The following ENOX2 variants were observed in gnomAD, a reference collection of about 807,000 sequenced individuals.
The protein encoded by ENOX2 is ecto-NOX disulfide-thiol exchanger 2, also known as APK1 antigen.
A neutral mutation model predicts 45.0 loss-of-function variants in ENOX2; 36 were observed. That is an observed-to-expected ratio of 0.80 (90% CI 0.61 to 1.06). The LOEUF is 1.06. Among genes scored for constraint, ENOX2 ranks in the 50% least tolerant of loss-of-function variants. ENOX2 has a pLI of 0.00. For synonymous variants in ENOX2, 174 were observed against 152.3 expected (o/e 1.14, Z -1.05); for missense variants, 423 against 462.5 (o/e 0.91, Z 0.78).
At chrX:130,881,016 G>GT (rs1569331534) in intron 2 of ENOX2, among the ~76,000 whole-genome samples, 1 of 112,423 alleles carries the variant, frequency 8.9e-6, no homozygotes, top group African/African-American at 3.2e-5. Flanking sequence ...ATCTAGACCT[G>GT]TAAGAGAATT....
intron 2 of ENOX2, among the ~76,000 whole-genome samples, chrX:130,881,920 T>C (rs934916694): frequency 9.0e-6 from 1 of 111,661 alleles, no homozygotes; most frequent in Non-Finnish European, 1.9e-5. Flanking sequence ...AAACCTCTGG[T>C]GGTGCAGCTG....
At chrX:130,722,768 T>C (rs1366609352) in intron 3 of ENOX2, among the ~76,000 whole-genome samples, 1 of 111,946 alleles carries the variant, frequency 8.9e-6, no homozygotes, top group East Asian at 2.8e-4. Context: ...GAGGAGAGAA[T>C]TGAGGTTGAT....
intron 3 of ENOX2, among the ~76,000 whole-genome samples, chrX:130,717,539 T>C (rs866317797): frequency 8.9e-6 from 1 of 112,162 alleles, no homozygotes; most frequent in South Asian, 3.7e-4. Context: ...CATATGTCAC[T>C]GGGAGACACT....
intron 3 of ENOX2, among the ~76,000 whole-genome samples, chrX:130,772,747 C>T (rs1016678629): frequency 1.8e-5 from 2 of 112,006 alleles, no homozygotes; most frequent in African/African-American, 3.2e-5. Context: ...GCATCTTCTA[C>T]GTTTTACCTC....
intron 12 of ENOX2, among the ~76,000 whole-genome samples, 193 bp from the exon 13 acceptor site, chrX:130,631,769 C>T (rs751401255): frequency 1.8e-5 from 2 of 109,092 alleles, no homozygotes; most frequent in Admixed American, 9.8e-5. Context: ...TATAGGGCTC[C>T]AAAACACAGA....
rs374038611 is a variant in ENOX2 at position 130,896,689 on chromosome X, T to C, written c.-183+4995A>G. ...GATCATGTAGCAGGAAAACTATAGA[T>C]TTTTTTTCCTGGAGTATTTAAAAGT... On this transcript the variant is annotated intron_variant, in intron 2 of 14. Coordinates refer to ENST00000394363, the MANE Select transcript of ENOX2 (RefSeq NM_006375.4). 2.1e-4 allele frequency among the ~76,000 whole-genome samples: 23 copies of C among 111,961 alleles called. No homozygotes were observed. In the South Asian group the frequency reaches 8.2e-3, roughly 40 times the overall value.
chrX:130,759,416 A>G (rs758007971), intron 3 of ENOX2, among the ~76,000 whole-genome samples: 167 of 107,969 alleles, frequency 1.5e-3, no homozygotes, highest in African/African-American at 5.3e-3. Flanking sequence ...ACATGGTGAA[A>G]CCCCGACTCT....
At chrX:130,867,819 T>C (rs1215426957) in intron 2 of ENOX2, among the ~76,000 whole-genome samples, 2 of 111,651 alleles carry the variant, frequency 1.8e-5, no homozygotes, top group Admixed American at 9.5e-5. Flanking sequence ...TCAAGTAAAA[T>C]TGGAATCCTA....
At chrX:130,641,783 C>T (rs149527522) in intron 10 of ENOX2, among the ~76,000 whole-genome samples, 1,118 of 105,653 alleles carry the variant, frequency 0.011, 22 homozygotes, top group African/African-American at 0.036. Flanking sequence ...GCTTTAGAAA[C>T]GGAACAACAA....
At chrX:130,729,113 A>G (rs1162914139) in intron 3 of ENOX2, among the ~76,000 whole-genome samples, 1 of 111,552 alleles carries the variant, frequency 9.0e-6, no homozygotes. Flanking sequence ...CATCTTTAAT[A>G]TAATGACCAA....
intron 11 of ENOX2, among the ~76,000 whole-genome samples, chrX:130,635,356 T>C (rs1033787650): frequency 3.6e-5 from 4 of 112,144 alleles, no homozygotes; most frequent in Non-Finnish European, 7.5e-5. Context: ...TTCTTCCCTA[T>C]TCTGGCCAGG....
At chrX:130,674,326 A>G (rs1336473390) in intron 6 of ENOX2, among the ~76,000 whole-genome samples, 1 of 110,080 alleles carries the variant, frequency 9.1e-6, no homozygotes, top group African/African-American at 3.3e-5. Context: ...ACCTAGCAAT[A>G]GAAACTATCT....
At chrX:130,829,718 T>A (rs763000183) in intron 2 of ENOX2, among the ~76,000 whole-genome samples, 1 of 111,678 alleles carries the variant, frequency 9.0e-6, no homozygotes, top group Admixed American at 9.5e-5. Flanking sequence ...TTAAGGTATA[T>A]GCTACTATGA....
Position 130,894,726 on chromosome X carries a change from C to A in ENOX2, c.-183+6958G>T, listed in dbSNP as rs1272304202. Among the ~76,000 whole-genome samples the A allele has an allele frequency of 2.1e-4, 23 of 111,624 alleles. No homozygotes were observed. In the Admixed American group the frequency reaches 2.2e-3, roughly 11 times the overall value. ...GACAATGGCCATACTTCTTAGCAAG[C>A]TGACTTACTTCACCCAACCAGCCAC... On this transcript the variant is annotated intron_variant, in intron 2 of 14. Coordinates refer to ENST00000394363, the MANE Select transcript of ENOX2 (RefSeq NM_006375.4).
intron 12 of ENOX2, among the ~76,000 whole-genome samples, chrX:130,632,790 A>AC (rs1430807676): frequency 9.0e-6 from 1 of 111,599 alleles, no homozygotes; most frequent in African/African-American, 3.3e-5. Flanking sequence ...TCAGAGGGGA[A>AC]CCCTTTCTTG....
intron 3 of ENOX2, among the ~76,000 whole-genome samples, chrX:130,754,286 G>A (rs775495083): frequency 1.8e-5 from 2 of 112,264 alleles, no homozygotes; most frequent in African/African-American, 6.5e-5. Context: ...GAATCTCAGA[G>A]AATGGACTTA....
At chrX:130,625,698 C>T (rs1467641873) in intron 14 of ENOX2, among the ~76,000 whole-genome samples, 1 of 111,124 alleles carries the variant, frequency 9.0e-6, no homozygotes, top group Non-Finnish European at 1.9e-5. Context: ...TGTGGAAACG[C>T]CTGGGTTTGT....
chrX:130,825,691 T>C (rs185126255), intron 2 of ENOX2, among the ~76,000 whole-genome samples: 4 of 111,296 alleles, frequency 3.6e-5, no homozygotes, highest in Admixed American at 2.9e-4. Context: ...CTCATTCTAC[T>C]CCATTTCATC....
intron 7 of ENOX2, 77 bp downstream of exon 7, chrX:130,669,888 A>G: frequency 1.3e-6 from 1 of 747,087 alleles, no homozygotes; most frequent in Non-Finnish European, 2.0e-6. Context: ...TGTAACTGTC[A>G]ACAATGCAAT....
Sources: gnomAD v4.1 joint callset for allele counts (sites outside exome capture counted in the v4.1 genomes callset) on GRCh38, gnomAD v4.1.1 for gene constraint, MANE v1.5 for transcripts, NCBI Gene and HGNC (gene_info 2026-07-23, HGNC 2026-07-21) for gene names.